NEGR1: variants seen among roughly 807,000 people sequenced by gnomAD.
NEGR1 encodes the protein neuronal growth regulator 1, also known as IgLON family member 4.
Under a neutral mutation model 40.9 loss-of-function variants are expected in NEGR1, and 10 were observed. The ratio of observed to expected loss-of-function variants is 0.24; its 90% confidence interval spans 0.15 to 0.42. NEGR1 has a LOEUF of 0.42. Ranked by LOEUF, NEGR1 falls within the 10% of genes least tolerant of loss-of-function variation. NEGR1 has a pLI of 1.00. For missense variants in NEGR1, 352 were observed against 438.9 expected (o/e 0.80, Z 1.77); for synonymous variants, 185 against 166.8 (o/e 1.11, Z -0.84).
chr1:71,552,811 T>C (rs1570021396), intron 6 of NEGR1, among the ~76,000 whole-genome samples: 2 of 151,582 alleles, frequency 1.3e-5, no homozygotes, highest in Non-Finnish European at 3.0e-5. Flanking sequence ...TCTTGGACTA[T>C]GTAAGTAGGC....
At chr1:71,451,639 T>C (rs758667587) in intron 6 of NEGR1, among the ~76,000 whole-genome samples, 3 of 152,110 alleles carry the variant, frequency 2.0e-5, no homozygotes, top group Non-Finnish European at 2.9e-5. Context: ...CACTACTTAC[T>C]CCACAGGGAC....
chr1:71,883,237 C>T (rs950545145), intron 2 of NEGR1, among the ~76,000 whole-genome samples: 1 of 152,006 alleles, frequency 6.6e-6, no homozygotes, highest in African/African-American at 2.4e-5. Flanking sequence ...GACCATAAAA[C>T]TGCCACCTTA....
chr1:71,888,719 C>A (rs1160660064), intron 2 of NEGR1, among the ~76,000 whole-genome samples: 1 of 90,632 alleles, frequency 1.1e-5, no homozygotes, highest in South Asian at 5.4e-4. Context: ...CCCACCACAG[C>A]TCAAGGAGGC....
At chr1:72,281,120 C>T (rs1336200421) in intron 1 of NEGR1, among the ~76,000 whole-genome samples, 2 of 151,886 alleles carry the variant, frequency 1.3e-5, no homozygotes, top group African/African-American at 2.4e-5. Flanking sequence ...TGACAAACCA[C>T]CTCAGAGCTC....
Position 71,507,116 on chromosome 1 carries a change from G to A in NEGR1, c.940+85701C>T, listed in dbSNP as rs914279296. On this transcript the variant is annotated intron_variant, in intron 6 of 6. Transcript: ENST00000357731. The stretch of plus-strand genomic sequence containing the variant: ...TAAAAAGTCTCCTGCTTCCAGCAGA[G>A]GTAGCCATAGTTCATGTAAATGGTC... Among the ~76,000 whole-genome samples, 9 of 152,224 alleles carry A rather than the reference G, an allele frequency of 5.9e-5. No homozygotes were observed. The East Asian group carries it at 1.7e-3, about 29-fold the overall frequency.
At chr1:72,228,691 C>A (rs893644506) in intron 1 of NEGR1, among the ~76,000 whole-genome samples, 2 of 152,060 alleles carry the variant, frequency 1.3e-5, no homozygotes, top group African/African-American at 4.8e-5. Context: ...AGTATGGATA[C>A]ATCTATAGAC....
intron 1 of NEGR1, among the ~76,000 whole-genome samples, chr1:72,163,614 T>A (rs540865151): frequency 6.6e-6 from 1 of 152,138 alleles, no homozygotes; most frequent in African/African-American, 2.4e-5. Context: ...TATCTGAAGG[T>A]GCCTCCATAT....
At chr1:72,256,220 T>G (rs1295046696) in intron 1 of NEGR1, among the ~76,000 whole-genome samples, 1 of 152,208 alleles carries the variant, frequency 6.6e-6, no homozygotes, top group African/African-American at 2.4e-5. Context: ...CCTTTTCAAC[T>G]GAAGAGAGTT....
intron 6 of NEGR1, among the ~76,000 whole-genome samples, chr1:71,509,648 C>A (rs569859623): frequency 6.6e-6 from 1 of 152,298 alleles, no homozygotes; most frequent in South Asian, 2.1e-4. Context: ...CTGGAGAGAT[C>A]TAACAAATTC....
intron 2 of NEGR1, among the ~76,000 whole-genome samples, chr1:71,806,601 A>G (rs970366383): frequency 2.0e-5 from 3 of 152,154 alleles, no homozygotes; most frequent in Non-Finnish European, 4.4e-5. Flanking sequence ...ATATAGGCAA[A>G]ACTTCATACT....
intron 4 of NEGR1, among the ~76,000 whole-genome samples, chr1:71,648,763 C>A (rs1651613555): frequency 6.6e-6 from 1 of 152,022 alleles, no homozygotes; most frequent in Non-Finnish European, 1.5e-5. Context: ...TTAAATGATG[C>A]CCTGATCACA....
At chr1:71,586,956 C>T (rs889468015) in intron 6 of NEGR1, among the ~76,000 whole-genome samples, 4 of 152,120 alleles carry the variant, frequency 2.6e-5, no homozygotes, top group Non-Finnish European at 5.9e-5. Flanking sequence ...TTCTCATTAA[C>T]ATCTCAAAGC....
intron 1 of NEGR1, among the ~76,000 whole-genome samples, chr1:71,992,910 G>A (rs183753468): frequency 2.0e-4 from 31 of 152,158 alleles, no homozygotes; most frequent in Admixed American, 3.3e-4. Context: ...CTTGATAGAC[G>A]TCTCCAATAT....
intron 6 of NEGR1, chr1:71,439,871 C>G (rs966563148): frequency 3.3e-5 from 5 of 151,588 alleles, no homozygotes; most frequent in African/African-American, 7.3e-5. Context: ...TTTTATTTCT[C>G]TCATATATAT....
At chr1:71,840,446 G>C (rs1659199055) in intron 2 of NEGR1, among the ~76,000 whole-genome samples, 1 of 152,038 alleles carries the variant, frequency 6.6e-6, no homozygotes. Flanking sequence ...AAGGGTCTGT[G>C]TCCTTTGCCT....
intron 2 of NEGR1, among the ~76,000 whole-genome samples, chr1:71,885,675 A>C (rs932609751): frequency 1.3e-5 from 2 of 152,212 alleles, no homozygotes; most frequent in African/African-American, 4.8e-5. Flanking sequence ...AAAATATTTA[A>C]TATGCACAGA....
chr1:71,749,645 G>C (rs1027918788), intron 3 of NEGR1, among the ~76,000 whole-genome samples: 1 of 152,050 alleles, frequency 6.6e-6, no homozygotes, highest in South Asian at 2.1e-4. Flanking sequence ...AGCTACTCTC[G>C]TCTTAGGTAA....
At chr1:71,828,335 CA>C (rs1009201497) in intron 2 of NEGR1, among the ~76,000 whole-genome samples, 1 of 151,890 alleles carries the variant, frequency 6.6e-6, no homozygotes, top group Non-Finnish European at 1.5e-5. Flanking sequence ...TTCTACTCTT[CA>C]TCCTTTCATA....
At chr1:71,591,410 A>G (rs1259903598) in intron 6 of NEGR1, among the ~76,000 whole-genome samples, 1 of 152,206 alleles carries the variant, frequency 6.6e-6, no homozygotes, top group African/African-American at 2.4e-5. Flanking sequence ...AATGTAATTT[A>G]GAAATTTAAA....
Sources: allele counts gnomAD v4.1 joint callset (sites outside exome capture counted in the v4.1 genomes callset), GRCh38; gene constraint gnomAD v4.1.1; transcripts MANE v1.5; gene names NCBI Gene and HGNC (gene_info 2026-07-23, HGNC 2026-07-21).